The following SLC24A3 variants were observed in gnomAD, a reference collection of about 807,000 sequenced individuals.
The protein encoded by SLC24A3 is sodium/potassium/calcium exchanger 3.
In SLC24A3, 28 loss-of-function variants were observed where a neutral mutation model predicts 75.8. That is an observed-to-expected ratio of 0.37 (90% CI 0.27 to 0.51). The LOEUF (loss-of-function observed/expected upper bound fraction) is 0.51. SLC24A3 is among the 20% of genes least tolerant of loss of function. The pLI is 0.94. For missense variants in SLC24A3, 663 were observed against 847.8 expected (o/e 0.78, Z 2.71); for synonymous variants, 372 against 334.1 (o/e 1.11, Z -1.24).
At chr20:19,389,143 GTTA>G (rs1986324922) in intron 2 of SLC24A3, among the ~76,000 whole-genome samples, 1 of 151,876 alleles carries the variant, frequency 6.6e-6, no homozygotes. Context: ...CAAACTTTGT[GTTA>G]TTAATGTCAT....
intron 6 of SLC24A3, among the ~76,000 whole-genome samples, chr20:19,616,355 A>T (rs973805879): frequency 6.6e-6 from 1 of 152,220 alleles, no homozygotes. Context: ...CCTTCCTTGC[A>T]GGGAGTTTGT....
chr20:19,297,424 C>A (rs57683514), intron 2 of SLC24A3, among the ~76,000 whole-genome samples: 3,068 of 152,264 alleles, frequency 0.02, 42 homozygotes, highest in African/African-American at 0.031. Flanking sequence ...TCTCAGGAAC[C>A]CCAGCTCAGC....
chr20:19,594,341 G>A lies in SLC24A3; in HGVS notation c.612+8797G>A, dbSNP rs542745304. On this transcript the variant is annotated intron_variant, in intron 6 of 16. Transcript: ENST00000328041. ...AGCAGCTACAGTCCAGGTGGCTATG[G>A]CCTGAACCACACCAGGACCTGAGGC... Among the ~76,000 whole-genome samples the A allele has an allele frequency of 5.3e-5, 8 of 152,264 alleles. No individual in the cohort carries two copies. The East Asian group carries it at 1.5e-3, about 29-fold the overall frequency.
intron 2 of SLC24A3, among the ~76,000 whole-genome samples, chr20:19,483,300 C>T (rs964947050): frequency 6.6e-6 from 1 of 152,146 alleles, no homozygotes; most frequent in African/African-American, 2.4e-5. Flanking sequence ...TTTTACTGAG[C>T]TTGGCTTTCC....
intron 2 of SLC24A3, among the ~76,000 whole-genome samples, chr20:19,411,509 T>C (rs1290906465): frequency 6.6e-6 from 1 of 152,316 alleles, no homozygotes; most frequent in East Asian, 1.9e-4. Flanking sequence ...GACCTGGATC[T>C]TTTAAGTGCA....
At chr20:19,544,173 C>A (rs1222312201) in intron 3 of SLC24A3, among the ~76,000 whole-genome samples, 1 of 152,202 alleles carries the variant, frequency 6.6e-6, no homozygotes, top group East Asian at 1.9e-4. Flanking sequence ...AAAACACCCT[C>A]TAAGGACCTA....
chr20:19,502,483 T>A (rs1382435667), intron 2 of SLC24A3, among the ~76,000 whole-genome samples: 1 of 152,128 alleles, frequency 6.6e-6, no homozygotes, highest in Non-Finnish European at 1.5e-5. Context: ...GATGCTCCAC[T>A]GAAAGCCTAT....
intron 15 of SLC24A3, among the ~76,000 whole-genome samples, chr20:19,707,111 A>G (rs1174482686): frequency 6.6e-6 from 1 of 152,176 alleles, no homozygotes; most frequent in Non-Finnish European, 1.5e-5. Context: ...GCAAGAGCAC[A>G]AGAAGACGCA....
rs75041598 is a variant in SLC24A3, at chr20:19,320,996, A to G, written c.271+39909A>G. On this transcript the variant is annotated intron_variant, in intron 2 of 16. Transcript: ENST00000328041. Reference sequence around the variant, plus strand: ...TATGTGGATATATATGTATACATACATACATATGCATGTATTGTGTCTATA... The same window carrying G: ...TATGTGGATATATATGTATACATACGTACATATGCATGTATTGTGTCTATA... 3.0e-3 allele frequency among the ~76,000 whole-genome samples: 453 copies of G among 152,246 alleles called. 2 individuals are homozygous for G. Among genetic ancestry groups the G allele is most frequent in the African/African-American group, 0.01 (420 of 41,532 alleles).
At chr20:19,324,240 G>C (rs1984787077) in intron 2 of SLC24A3, among the ~76,000 whole-genome samples, 1 of 152,204 alleles carries the variant, frequency 6.6e-6, no homozygotes, top group Admixed American at 6.5e-5. Context: ...ATGTTGGGGG[G>C]CAAGTTTGAC....
At chr20:19,290,826 C>T (rs1983923718) in intron 2 of SLC24A3, among the ~76,000 whole-genome samples, 1 of 152,176 alleles carries the variant, frequency 6.6e-6, no homozygotes, top group South Asian at 2.1e-4. Flanking sequence ...CCGCCAGCCA[C>T]ATGTAAGACA....
chr20:19,695,996 T>C (rs1229627389), intron 13 of SLC24A3, among the ~76,000 whole-genome samples: 1 of 147,790 alleles, frequency 6.8e-6, no homozygotes, highest in Non-Finnish European at 1.5e-5. Context: ...AGTTATGGCT[T>C]TCCCCTTTTT....
At position 19,592,578 on chromosome 20, in the gene SLC24A3, A is replaced by C. The variant is rs868164108; in HGVS notation, c.612+7034A>C. Among the ~76,000 whole-genome samples, 6 of 152,296 alleles carry C rather than the reference A, an allele frequency of 3.9e-5. No individual in the cohort carries two copies. In the South Asian group the frequency reaches 1.2e-3, roughly 32 times the overall value. On this transcript the variant is annotated intron_variant, in intron 6 of 16. Coordinates refer to ENST00000328041, the MANE Select transcript of SLC24A3 (RefSeq NM_020689.4). ...TATGGCACACCTGGATGTATCTGAGATGCATCATTCCAGAAATGTGAAGAG... is the reference window on the plus strand; with the variant it reads ...TATGGCACACCTGGATGTATCTGAGCTGCATCATTCCAGAAATGTGAAGAG...
At chr20:19,325,795 T>TATATATATATATAGAGAG (rs1251419875) in intron 2 of SLC24A3, among the ~76,000 whole-genome samples, 1 of 67,792 alleles carries the variant, frequency 1.5e-5, no homozygotes, top group Admixed American at 2.0e-4. Context: ...TATATATATA[T>TATATATATATATAGAGAG]AGAGAGAGAG....
At chr20:19,429,907 A>C (rs114039897) in intron 2 of SLC24A3, among the ~76,000 whole-genome samples, 341 of 152,180 alleles carry the variant, frequency 2.2e-3, no homozygotes, top group African/African-American at 7.8e-3. Context: ...TTTAATCTCG[A>C]GCTACAGTGG....
At chr20:19,403,705 G>T (rs952603291) in intron 2 of SLC24A3, among the ~76,000 whole-genome samples, 4 of 152,182 alleles carry the variant, frequency 2.6e-5, no homozygotes, top group African/African-American at 9.7e-5. Flanking sequence ...GCAGCAGGTA[G>T]GTGGGAAAGG....
chr20:19,604,773 C>T (rs2031574134), intron 6 of SLC24A3, among the ~76,000 whole-genome samples: 1 of 152,168 alleles, frequency 6.6e-6, no homozygotes, highest in Admixed American at 6.5e-5. Flanking sequence ...GGAATTTCCT[C>T]CATTACCCTC....
chr20:19,501,644 C>T (rs922236683), intron 2 of SLC24A3, among the ~76,000 whole-genome samples: 1 of 152,200 alleles, frequency 6.6e-6, no homozygotes, highest in Non-Finnish European at 1.5e-5. Flanking sequence ...AGCCTTGGGG[C>T]ATCACCTGTC....
At chr20:19,556,649 C>T (rs2030790268) in intron 3 of SLC24A3, among the ~76,000 whole-genome samples, 1 of 150,890 alleles carries the variant, frequency 6.6e-6, no homozygotes, top group Non-Finnish European at 1.5e-5. Context: ...GTCACTGCTA[C>T]AAACGGCTTG....
Sources: allele counts gnomAD v4.1 joint callset (sites outside exome capture counted in the v4.1 genomes callset), GRCh38; gene constraint gnomAD v4.1.1; transcripts MANE v1.5; gene names NCBI Gene and HGNC (gene_info 2026-07-23, HGNC 2026-07-21).